Variants in AUTS2 observed in about 807,000 individuals in gnomAD.
AUTS2 encodes the protein autism susceptibility gene 2 protein.
AUTS2 carries 17 observed loss-of-function variants against 112.4 expected under a neutral mutation model. The observed-to-expected ratio is 0.15, with a 90% CI of 0.10 to 0.23. AUTS2 has a LOEUF of 0.23. Among genes scored for constraint, AUTS2 ranks in the 10% least tolerant of loss-of-function variants. The pLI is 1.00. For synonymous variants in AUTS2, 751 were observed against 702.7 expected (o/e 1.07, Z -1.09); for missense variants, 1,510 against 1,701.6 (o/e 0.89, Z 1.98).
intron 5 of AUTS2, among the ~76,000 whole-genome samples, chr7:70,576,675 T>C (rs1802183266): frequency 6.6e-6 from 1 of 152,192 alleles, no homozygotes. Context: ...GGAACAATGT[T>C]TTAGAAGGAT....
chr7:69,934,109 T>TATAA (rs1192558686), intron 2 of AUTS2, among the ~76,000 whole-genome samples: 2 of 152,248 alleles, frequency 1.3e-5, no homozygotes, highest in Non-Finnish European at 2.9e-5. Context: ...GCGAAACTCA[T>TATAA]ATAACCTTGT....
At chr7:70,033,927 A>G (rs1800889938) in intron 2 of AUTS2, among the ~76,000 whole-genome samples, 1 of 152,122 alleles carries the variant, frequency 6.6e-6, no homozygotes, top group African/African-American at 2.4e-5. Context: ...TTAATCTTTT[A>G]TTGTATATTT....
At chr7:70,521,918 A>C (rs1214603722) in intron 5 of AUTS2, among the ~76,000 whole-genome samples, 2 of 152,218 alleles carry the variant, frequency 1.3e-5, no homozygotes, top group African/African-American at 4.8e-5. Flanking sequence ...AATGAGGCTA[A>C]TAGTACCCAG....
chr7:70,633,529 T>A (rs1488386521), intron 5 of AUTS2, among the ~76,000 whole-genome samples: 1 of 147,924 alleles, frequency 6.8e-6, no homozygotes, highest in East Asian at 2.0e-4. Context: ...GAGAATCACT[T>A]GAACCCTGGA....
intron 5 of AUTS2, among the ~76,000 whole-genome samples, chr7:70,503,079 A>G (rs34110273): frequency 0.23 from 34,675 of 152,016 alleles, 4,201 homozygotes; most frequent in Middle Eastern, 0.34. Flanking sequence ...ACTTCTCCAG[A>G]GGGAGAACCA....
chr7:70,297,089 A>T, intron 4 of AUTS2, among the ~76,000 whole-genome samples: 1 of 147,846 alleles, frequency 6.8e-6, no homozygotes, highest in Middle Eastern at 3.5e-3. Flanking sequence ...GACTCAAGCC[A>T]TCCTCCCACC....
intron 5 of AUTS2, among the ~76,000 whole-genome samples, chr7:70,545,511 G>T (rs1304003002): frequency 6.6e-6 from 1 of 152,228 alleles, no homozygotes; most frequent in African/African-American, 2.4e-5. Context: ...TTTAGATGGT[G>T]CTCCAGTGCA....
At chr7:70,576,579 A>G (rs1802178680) in intron 5 of AUTS2, among the ~76,000 whole-genome samples, 1 of 152,196 alleles carries the variant, frequency 6.6e-6, no homozygotes, top group Non-Finnish European at 1.5e-5. Context: ...CTAACCAGCA[A>G]CCGAGAATCA....
rs1214238280 is a variant in AUTS2 at position 70,004,436 on chromosome 7, TATAA to T, written c.522+104940_522+104943del. On this transcript the variant is annotated intron_variant, in intron 2 of 18. Coordinates refer to ENST00000342771, the MANE Select transcript of AUTS2 (RefSeq NM_015570.4). ...ATATAATATATTATATATATATATATATAAAATGCCATAAGCCATAGAGATTCAG... is the reference window on the plus strand; with the variant it reads ...ATATAATATATTATATATATATATATAATGCCATAAGCCATAGAGATTCAG... Among the ~76,000 whole-genome samples the T allele has an allele frequency of 7.6e-3, 169 of 22,116 alleles. 2 individuals are homozygous for T. The highest frequency in any genetic ancestry group is 0.044 in the East Asian group (9 of 204). The allele number at this position is 22,116 out of a possible 152,430, so 14.5% of individuals were successfully genotyped here. A position where few individuals can be genotyped will look rare whatever the true frequency, so the allele number is the denominator to read the frequency against.
chr7:70,001,926 G>T (rs563757485), intron 2 of AUTS2, among the ~76,000 whole-genome samples: 1 of 152,078 alleles, frequency 6.6e-6, no homozygotes, highest in Admixed American at 6.6e-5. Context: ...GGTCAGGCTG[G>T]TCTCAAACTC....
At chr7:69,911,657 A>G (rs528826528) in intron 2 of AUTS2, among the ~76,000 whole-genome samples, 1 of 152,042 alleles carries the variant, frequency 6.6e-6, no homozygotes, top group South Asian at 2.1e-4. Context: ...CTCTCAGTGG[A>G]GAGGCGAGCC....
At chr7:69,965,058 C>T (rs10275134) in intron 2 of AUTS2, among the ~76,000 whole-genome samples, 3 of 151,764 alleles carry the variant, frequency 2.0e-5, no homozygotes, top group Non-Finnish European at 4.4e-5. Flanking sequence ...GTTCCCCTTA[C>T]AAGAATCACA....
chr7:70,677,471 G>A (rs1007038153), intron 5 of AUTS2, among the ~76,000 whole-genome samples: 5 of 152,100 alleles, frequency 3.3e-5, no homozygotes, highest in East Asian at 1.9e-4. Flanking sequence ...TCTTAGCATC[G>A]CCCTTTGTGT....
rs879384144 is a variant in AUTS2, at chr7:69,671,517, G to GTC, written c.309+71556_309+71557insCT. Among the ~76,000 whole-genome samples the GTC allele has an allele frequency of 5.4e-4, 77 of 143,682 alleles. No individual in the cohort carries two copies. The Middle Eastern group carries it at 0.012, about 22-fold the overall frequency. The allele number at this position is 143,682 out of a possible 152,430, so 94.3% of individuals were successfully genotyped here. On this transcript the variant is annotated intron_variant, in intron 1 of 18. Transcript: ENST00000342771. ...TGTGTGTGTGTGTGTGTGTGTGTGT[G>GTC]TGTGTGTCTGTGTGTGTGTGTTTTG...
rs73440494 is a variant in AUTS2, at chr7:70,053,498, G to A, written c.523-64634G>A. Reference sequence around the variant, plus strand: ...CATTTGAAATTTCAGTGTTTTTTGCGTGTAGCTACAAATGTCTTCCATTGT... The same window carrying A: ...CATTTGAAATTTCAGTGTTTTTTGCATGTAGCTACAAATGTCTTCCATTGT... On this transcript the variant is annotated intron_variant, in intron 2 of 18. Coordinates refer to ENST00000342771, the MANE Select transcript of AUTS2 (RefSeq NM_015570.4). 9.9e-3 allele frequency among the ~76,000 whole-genome samples: 1,477 copies of A among 149,702 alleles called. 35 individuals carry two copies. The highest frequency in any genetic ancestry group is 0.034 in the African/African-American group (1,391 of 40,480).
chr7:70,078,831 A>AT (rs1330905085), intron 2 of AUTS2, among the ~76,000 whole-genome samples: 1 of 152,236 alleles, frequency 6.6e-6, no homozygotes, highest in Non-Finnish European at 1.5e-5. Context: ...TGTTAGTGCC[A>AT]TATAACTTGT....
At chr7:70,432,764 G>A (rs1795728684) in intron 4 of AUTS2, among the ~76,000 whole-genome samples, 1 of 152,200 alleles carries the variant, frequency 6.6e-6, no homozygotes, top group African/African-American at 2.4e-5. Context: ...TCTGCCAGGG[G>A]CTGGCACTCG....
intron 5 of AUTS2, among the ~76,000 whole-genome samples, chr7:70,469,268 G>A (rs1323414312): frequency 6.6e-6 from 1 of 152,182 alleles, no homozygotes; most frequent in Non-Finnish European, 1.5e-5. Flanking sequence ...AAAGAATATG[G>A]AGGAAAAATT....
intron 4 of AUTS2, among the ~76,000 whole-genome samples, chr7:70,380,261 T>A (rs1003064531): frequency 3.3e-5 from 5 of 152,330 alleles, no homozygotes; most frequent in Middle Eastern, 3.4e-3. Context: ...ACAAAGTTAG[T>A]GCAAATACTG....
Sources: gnomAD v4.1 joint callset for allele counts (sites outside exome capture counted in the v4.1 genomes callset) on GRCh38, gnomAD v4.1.1 for gene constraint, MANE v1.5 for transcripts, NCBI Gene and HGNC (gene_info 2026-07-23, HGNC 2026-07-21) for gene names.